Variants in TMTC1 observed in about 807,000 individuals in gnomAD.
TMTC1 encodes the protein protein O-mannosyl-transferase TMTC1.
In TMTC1, 73 loss-of-function variants were observed where a neutral mutation model predicts 104.8. The ratio of observed to expected loss-of-function variants is 0.70; its 90% CI spans 0.58 to 0.85. The LOEUF is 0.85. Among genes scored for constraint, TMTC1 ranks in the 40% least tolerant of loss-of-function variants. The probability of loss-of-function intolerance (pLI) is 0.00; values close to 1 mark genes in which losing one functional copy is unlikely to be tolerated. For missense variants in TMTC1, 1,035 were observed against 1,096.1 expected, an observed-to-expected ratio of 0.94 and a Z score of 0.79; for synonymous variants, 434 against 428.7, an observed-to-expected ratio of 1.01 and a Z score of -0.15.
At chr12:29,622,653 A>T (rs1306381790) in intron 6 of TMTC1, among the ~76,000 whole-genome samples, 1 of 152,210 alleles carries the variant, frequency 6.6e-6, no homozygotes, top group Non-Finnish European at 1.5e-5. Context: ...TACCCTCATC[A>T]CAAAGGGTCA....
At position 29,514,517 on chromosome 12, in the gene TMTC1, A is replaced by G. The variant is rs768487943; in HGVS notation, c.2395T>C (p.Leu799=). 9.3e-6 allele frequency: 15 copies of G among 1,613,828 alleles called. No individual in the cohort carries two copies. The African/African-American group carries it at 9.3e-5, about 10-fold the overall frequency. The part of the protein sequence containing the change: ...SELFFTKGNQ[L]REQNLLDKAF... ...TTGTCGAGAAGGTTCTGCTCTCTTA[A>G]TTGGTTTCCTTTTGTGAAAAAAAGT... is the stretch of plus-strand genomic sequence containing the variant. Residue 799 remains leucine, a synonymous_variant, in exon 16 of 18, where the codon TTA becomes CTA. Coordinates refer to ENST00000539277, the MANE Select transcript of TMTC1 (RefSeq NM_001193451.2).
At chr12:29,748,086 T>A (rs1411547136) in intron 5 of TMTC1, among the ~76,000 whole-genome samples, 1 of 152,186 alleles carries the variant, frequency 6.6e-6, no homozygotes, top group African/African-American at 2.4e-5. Context: ...TTTTGTTTTT[T>A]GTTTTCCAAA....
In TMTC1 at chr12:29,590,501, G is replaced by A. The variant is rs11837554; in HGVS notation, c.1251-6927C>T. Among the ~76,000 whole-genome samples, 7 of 151,962 alleles carry A rather than the reference G, an allele frequency of 4.6e-5. No homozygotes were observed. The South Asian group carries it at 8.3e-4, about 18-fold the overall frequency. The stretch of plus-strand genomic sequence containing the variant: ...CCCCCCTTTGCCTTTAAAAATCCAC[G>A]TGTGGCCAGGCATGGTGGCTCATGC... On this transcript the variant is annotated intron_variant, in intron 7 of 17. Coordinates refer to ENST00000539277, the MANE Select transcript of TMTC1 (RefSeq NM_001193451.2).
intron 1 of TMTC1, among the ~76,000 whole-genome samples, chr12:29,770,340 C>A (rs1943567593): frequency 6.6e-6 from 1 of 152,074 alleles, no homozygotes; most frequent in Admixed American, 6.6e-5. Context: ...TGTGTCATAT[C>A]TGAAAATGTC....
chr12:29,630,995 T>C (rs1268241114), intron 6 of TMTC1, among the ~76,000 whole-genome samples: 1 of 152,210 alleles, frequency 6.6e-6, no homozygotes, highest in Non-Finnish European at 1.5e-5. Flanking sequence ...AATTTGAAGT[T>C]CTCTAATGAC....
chr12:29,752,769 T>C (rs892610520), intron 4 of TMTC1, among the ~76,000 whole-genome samples: 1 of 151,750 alleles, frequency 6.6e-6, no homozygotes, highest in African/African-American at 2.4e-5. Context: ...TTTGAAAGTA[T>C]GTAAAATAAC....
chr12:29,667,971 G>A (rs1940347995), intron 5 of TMTC1, among the ~76,000 whole-genome samples: 1 of 152,168 alleles, frequency 6.6e-6, no homozygotes, highest in Non-Finnish European at 1.5e-5. Flanking sequence ...CTCATGGCTG[G>A]CAAGAGGCAA....
At chr12:29,745,001 C>T (rs1942914624) in intron 5 of TMTC1, among the ~76,000 whole-genome samples, 1 of 152,048 alleles carries the variant, frequency 6.6e-6, no homozygotes, top group Non-Finnish European at 1.5e-5. Flanking sequence ...TCATGGCTCA[C>T]TACAGCCACA....
At chr12:29,512,178 C>A in intron 16 of TMTC1, 58 bp from the exon 17 acceptor site, 2 of 1,393,212 alleles carry the variant, frequency 1.4e-6, no homozygotes, top group Non-Finnish European at 2.0e-6. Flanking sequence ...TCCAGGATTG[C>A]AGAAACCACT....
In TMTC1 at chr12:29,644,109, ATATGTG is replaced by A. The variant is rs1346734013; in HGVS notation, c.939-10779_939-10774del. Among the ~76,000 whole-genome samples the A allele has an allele frequency of 4.6e-4, 21 of 46,012 alleles. 1 individual carries two copies. Among genetic ancestry groups the A allele is most frequent in the African/African-American group, 1.5e-3 (21 of 13,644 alleles). 30.2% of individuals were successfully genotyped at this position (46,012 alleles called of 152,430 possible). On this transcript the variant is annotated intron_variant, in intron 5 of 17. Transcript: ENST00000539277. Reference sequence around the variant, plus strand: ...AATATAAATATAAATATATAAATATATATGTGTGTGTGTGTGTGTGTGTGTGTGTGT... The same window carrying A: ...AATATAAATATAAATATATAAATATATGTGTGTGTGTGTGTGTGTGTGTGT...
At chr12:29,676,615 T>C (rs1055327496) in intron 5 of TMTC1, among the ~76,000 whole-genome samples, 2 of 152,184 alleles carry the variant, frequency 1.3e-5, no homozygotes, top group Non-Finnish European at 2.9e-5. Context: ...ATCTACACTC[T>C]GCCTTCAAAC....
chr12:29,692,369 A>C (rs951437480), intron 5 of TMTC1, among the ~76,000 whole-genome samples: 2 of 142,412 alleles, frequency 1.4e-5, no homozygotes, highest in African/African-American at 2.7e-5. Context: ...TTGTGCTCTG[A>C]GGGCCAACGA....
chr12:29,691,198 A>G (rs1941255918), intron 5 of TMTC1, among the ~76,000 whole-genome samples: 1 of 152,160 alleles, frequency 6.6e-6, no homozygotes, highest in Admixed American at 6.5e-5. Context: ...ACTATTGTAA[A>G]ACCTAAGCTC....
At chr12:29,740,066 A>G (rs1942784530) in intron 5 of TMTC1, among the ~76,000 whole-genome samples, 1 of 151,756 alleles carries the variant, frequency 6.6e-6, no homozygotes. Flanking sequence ...GCCCAGGCTG[A>G]AGTGCAGTGG....
intron 11 of TMTC1, among the ~76,000 whole-genome samples, chr12:29,525,586 T>C (rs1367424996): frequency 7.0e-6 from 1 of 142,342 alleles, no homozygotes; most frequent in Non-Finnish European, 1.5e-5. Context: ...TGAAAAGCCT[T>C]TTTTTTTTTT....
At position 29,622,791 on chromosome 12, in the gene TMTC1, T is replaced by A. The variant is rs886334103; in HGVS notation, c.1128+10356A>T. 2.0e-5 allele frequency among the ~76,000 whole-genome samples: 3 copies of A among 152,146 alleles called. No individual in the cohort carries two copies. The South Asian group carries it at 6.2e-4, about 32-fold the overall frequency. On this transcript the variant is annotated intron_variant, in intron 6 of 17. Transcript: ENST00000539277. ...TTCTAGAGAATGAATGGTGTGTGAGTAGAAGGAGGAGATGAAGGAGAGGCA... is the reference window on the plus strand; with the variant it reads ...TTCTAGAGAATGAATGGTGTGTGAGAAGAAGGAGGAGATGAAGGAGAGGCA...
chr12:29,512,133 G>C lies in TMTC1; in HGVS notation c.2431-13C>G. 6.3e-7 allele frequency: 1 copy of C among 1,597,216 alleles called. No individual in the cohort carries two copies. Among genetic ancestry groups the C allele is most frequent in the East Asian group, 2.3e-5 (1 of 44,414 alleles). ...CCACTCTATAGCTCTAAATAAATAA[G>C]AAATATCCTCAGGTTAGGAAACAAA... On this transcript the variant is annotated splice_polypyrimidine_tract_variant and intron_variant, in intron 16 of 17. Transcript: ENST00000539277.
At position 29,725,011 on chromosome 12, in the gene TMTC1, GTTCTTTTTTT is replaced by G. The variant is rs1463880079; in HGVS notation, c.938+26645_938+26654del. 2.6e-5 allele frequency among the ~76,000 whole-genome samples: 3 copies of G among 115,728 alleles called. No individual in the cohort carries two copies. The East Asian group carries it at 8.2e-4, about 32-fold the overall frequency. The allele number at this position is 115,728 out of a possible 152,430, so 75.9% of individuals were successfully genotyped here. A position where few individuals can be genotyped will look rare whatever the true frequency, so the allele number is the denominator to read the frequency against. ...CGTAGTTTAGCTATATATCTGCCAAGTTCTTTTTTTTTTTTTTTTTTTTTTTTGAGATGGA... is the reference window on the plus strand; with the variant it reads ...CGTAGTTTAGCTATATATCTGCCAAGTTTTTTTTTTTTTTTTTGAGATGGA... On this transcript the variant is annotated intron_variant, in intron 5 of 17. Transcript: ENST00000539277.
intron 6 of TMTC1, among the ~76,000 whole-genome samples, chr12:29,629,925 T>A (rs1373458476): frequency 6.6e-6 from 1 of 152,238 alleles, no homozygotes; most frequent in Non-Finnish European, 1.5e-5. Flanking sequence ...TTCAGTTCTG[T>A]ATTCATTCCA....
Sources: allele counts gnomAD v4.1 joint callset (sites outside exome capture counted in the v4.1 genomes callset), GRCh38; gene constraint gnomAD v4.1.1; transcripts MANE v1.5; gene names NCBI Gene and HGNC (gene_info 2026-07-23, HGNC 2026-07-21).